Variants in GBP1 observed in about 807,000 individuals in gnomAD.
GBP1 encodes guanylate-binding protein 1.
GBP1 carries 64 observed loss-of-function variants against 69.5 expected under a neutral mutation model. The observed-to-expected ratio is 0.92, with a 90% CI of 0.75 to 1.13. GBP1 has a LOEUF of 1.13. GBP1 is among the 50% of genes most tolerant of loss of function. The pLI, the probability that GBP1 is intolerant of heterozygous loss-of-function variation, is 0.00. For missense variants in GBP1, 630 were observed against 704.1 expected, an observed-to-expected ratio of 0.89 and a Z score of 1.19; for synonymous variants, 250 against 261.2, an observed-to-expected ratio of 0.96 and a Z score of 0.41.
In GBP1 at chr1:89,056,075, C is replaced by T. The variant is rs574206530; in HGVS notation, c.1309G>A (p.Val437Ile). 2.7e-5 allele frequency: 44 copies of T among 1,613,836 alleles called. No homozygotes were observed. Among genetic ancestry groups the T allele is most frequent in the Middle Eastern group, 1.6e-4 (1 of 6,078 alleles). The change falls in exon 8 of 11, where the codon GTT (valine) becomes ATT (isoleucine). Residue 437 changes from valine to isoleucine, a missense_variant. Transcript: ENST00000370473. The stretch of plus-strand genomic sequence containing the variant: ...TTCTTCAGGTCTTGTAGCTTCTGAA[C>T]AAAGAGACGATAGCCCCCTGGTTTC... ...YSKPGGYRLF[V>I]QKLQDLKKKY...
At chr1:89,056,747 T>G (rs1416772858) in intron 7 of GBP1, 107 bp downstream of exon 7, 32 of 1,275,234 alleles carry the variant, frequency 2.5e-5, no homozygotes, top group Non-Finnish European at 3.2e-5. Context: ...TTCACCATTA[T>G]GGAAGCTAGG....
rs2390679 is a variant in GBP1, at chr1:89,056,337, A to G, written c.1156-109T>C. 112 of 1,565,642 alleles carry G rather than the reference A, an allele frequency of 7.2e-5. No homozygotes were observed. The South Asian group carries it at 1.2e-3, about 17-fold the overall frequency. On this transcript the variant is annotated intron_variant, in intron 7 of 10. Coordinates refer to ENST00000370473, the MANE Select transcript of GBP1 (RefSeq NM_002053.3). ...AATAGAAGTCAATGATGCTGGAGAA[A>G]CTGACAGCCTCCTCACCAGGACCAC...
In GBP1 at chr1:89,056,229, C is replaced by T; in HGVS notation, c.1156-1G>A. ...CATCCCGCTTTTTTTCTAGCTGGGC[C>T]TTTAATGTAAAAATAGGAAGTAAAA... On this transcript the variant is annotated splice_acceptor_variant, in intron 7 of 10. Coordinates refer to ENST00000370473, the MANE Select transcript of GBP1 (RefSeq NM_002053.3). LOFTEE classifies it high-confidence loss of function. 6.2e-7 allele frequency: 1 copy of T among 1,613,890 alleles called. No individual in the cohort carries two copies. Among genetic ancestry groups the T allele is most frequent in the Non-Finnish European group, 8.5e-7 (1 of 1,179,840 alleles).
rs1310864391 is a variant in GBP1 at position 89,063,050 on chromosome 1, T to C, written c.185A>G (p.Lys62Arg). The change falls in exon 2 of 11, where the codon AAA becomes AGA. Residue 62 changes from lysine (K) to arginine (R), a missense_variant. By Grantham distance (26) the Lys-to-Arg change is conservative. Around this residue, in one of 5 missense-constraint regions of GBP1, gnomAD observed 131 missense variants for 138.5 expected, o/e 0.95. Transcript: ENST00000370473. ...GCTTTGCTCATGCCACTCACCCTTT[T>C]TCTTTCCAGCCAGCTTGTTCATCAG... is the stretch of plus-strand genomic sequence containing the variant. ...SYLMNKLAGK[K>R]KGFSLGSTVQ... The C allele has an allele frequency of 1.9e-6, 3 of 1,614,048 alleles. No homozygotes were observed. The highest frequency in any genetic ancestry group is 1.7e-5 in the Admixed American group (1 of 60,016).
rs1396272425 is a variant in GBP1 at position 89,063,230 on chromosome 1, G to A, written c.5C>T (p.Ala2Val). 2 of 1,613,802 alleles carry A rather than the reference G, an allele frequency of 1.2e-6. No homozygotes were observed. Among genetic ancestry groups the A allele is most frequent in the Non-Finnish European group, 1.7e-6 (2 of 1,179,846 alleles). M[A>V]SEIHMTGPMC... is the part of the protein sequence containing the mutation. ...TGGGCCTGTCATGTGGATCTCTGAT[G>A]CCATGTCCAGGCTGTTCCCTTGTCT... The change falls in exon 2 of 11, where the codon GCA becomes GTA. Residue 2 changes from alanine (A) to valine (V), a missense_variant. Ala to Val is a moderately conservative substitution (Grantham distance 64). This residue lies in a region of GBP1 where 131 missense variants were observed against 138.5 expected (regional missense o/e 0.95). Coordinates refer to ENST00000370473, the MANE Select transcript of GBP1 (RefSeq NM_002053.3).
At chr1:89,055,734 G>A in intron 8 of GBP1, 1 of 504,248 alleles carries the variant, frequency 2.0e-6, no homozygotes, top group Non-Finnish European at 3.6e-6. Context: ...TTGGGTTCCT[G>A]TCTCTTGCAA....
intron 5 of GBP1, 187 bp from the exon 6 acceptor site, chr1:89,058,421 A>G (rs1478752487): frequency 5.2e-6 from 3 of 580,864 alleles, no homozygotes; most frequent in Non-Finnish European, 8.7e-6. Context: ...TTCCAAAAAA[A>G]CCTTATTTAC....
chr1:89,060,302 C>T lies in GBP1; in HGVS notation c.213G>A (p.Val71=), dbSNP rs751731582. 16 of 1,598,562 alleles carry T rather than the reference C, an allele frequency of 1.0e-5. No individual in the cohort carries two copies. Among genetic ancestry groups the T allele is most frequent in the East Asian group, 2.3e-5 (1 of 43,682 alleles). ...KKKGFSLGST[V]QSHTKGIWMW... is the part of the protein sequence containing the mutation. ...TCCAGATTCCTTTAGTGTGAGACTGCACCGTGGAGCCCAGAGAGAAGCCTG... is the reference window on the plus strand; with the variant it reads ...TCCAGATTCCTTTAGTGTGAGACTGTACCGTGGAGCCCAGAGAGAAGCCTG... Residue 71 remains valine (V), a synonymous_variant, in exon 3 of 11, where the codon GTG becomes GTA. Transcript: ENST00000370473.
chr1:89,060,371 G>A, intron 2 of GBP1, 47 bp from the exon 3 acceptor site: 2 of 1,478,034 alleles, frequency 1.4e-6, no homozygotes, highest in Non-Finnish European at 1.8e-6. Flanking sequence ...GTAACAGGCA[G>A]TTCTGGCAAT....
chr1:89,055,274 G>C (rs1369214344), intron 8 of GBP1, 59 bp from the exon 9 acceptor site: 61 of 1,603,666 alleles, frequency 3.8e-5, no homozygotes, highest in Non-Finnish European at 4.6e-5. Context: ...AGGTGTTCCT[G>C]TTTGTCTTCC....
Position 89,059,427 on chromosome 1 carries a change from C to A in GBP1, c.319-1G>T, listed in dbSNP as rs1680128755. 6.2e-7 allele frequency: 1 copy of A among 1,613,924 alleles called. No individual in the cohort carries two copies. On this transcript the variant is annotated splice_acceptor_variant, in intron 3 of 10. Coordinates refer to ENST00000370473, the MANE Select transcript of GBP1 (RefSeq NM_002053.3). LOFTEE classifies it high-confidence loss of function. ...TCCAGGAGTCATTCTGGTTGTCACC[C>A]TGGAAGTCAAGACACACTGGAGTCA...
chr1:89,060,132 T>G, intron 3 of GBP1, 65 bp downstream of exon 3: 1 of 1,472,462 alleles, frequency 6.8e-7, no homozygotes, highest in South Asian at 1.4e-5. Context: ...TAATAAACAA[T>G]TAACCGCTGC....
chr1:89,055,855 A>G, intron 8 of GBP1, 161 bp downstream of exon 8: 1 of 829,054 alleles, frequency 1.2e-6, no homozygotes, highest in Non-Finnish European at 2.0e-6. Context: ...AGCACCTAGG[A>G]CATATCTGGT....
chr1:89,060,364 A>G, intron 2 of GBP1, 40 bp from the exon 3 acceptor site: 1 of 1,502,642 alleles, frequency 6.7e-7, no homozygotes, highest in African/African-American at 1.4e-5. Flanking sequence ...GGATTTAGTA[A>G]CAGGCAGTTC....
Position 89,058,955 on chromosome 1 carries a change from T to C in GBP1, c.517A>G (p.Ser173Gly), listed in dbSNP as rs1214406984. 1 of 1,614,192 alleles carries C rather than the reference T, an allele frequency of 6.2e-7. No individual in the cohort carries two copies. The highest frequency in any genetic ancestry group is 8.5e-7 in the Non-Finnish European group (1 of 1,180,020). Residue 173 changes from serine to glycine, a missense_variant, in exon 5 of 11, where the codon AGC becomes GGC. Ser to Gly is a moderately conservative substitution (Grantham distance 56). Around this residue, in one of 5 missense-constraint regions of GBP1, gnomAD observed 367 missense variants for 369.5 expected, o/e 0.99. Transcript: ENST00000370473. ...GTCCACACAAAGTCTGGGAAGAAGC[T>C]CACAAAGTCAGCTGAATCCTCAACC... Reference protein sequence around the residue: ...NEVEDSADFVSFFPDFVWTLR... With the variant: ...NEVEDSADFVGFFPDFVWTLR...
intron 2 of GBP1, among the ~76,000 whole-genome samples, chr1:89,061,308 T>C (rs987277097): frequency 6.6e-6 from 1 of 152,148 alleles, no homozygotes; most frequent in Non-Finnish European, 1.5e-5. Flanking sequence ...GGTACTGGTA[T>C]AAAGACTGAC....
chr1:89,058,299 G>T, intron 5 of GBP1, 65 bp from the exon 6 acceptor site: 1 of 1,376,898 alleles, frequency 7.3e-7, no homozygotes, highest in Non-Finnish European at 9.9e-7. Flanking sequence ...GGGCCAAATA[G>T]TAAATATTTT....
chr1:89,059,371 G>A lies in GBP1; in HGVS notation c.374C>T (p.Thr125Ile), dbSNP rs374870319. ...GGTTCCTATGCTATTGTACACGAAG[G>A]TGCTGCTCAGGAGGACGGCCAGGGC... ...IFALAVLLSSTFVYNSIGTIN... is the reference protein window; with the variant it reads ...IFALAVLLSSIFVYNSIGTIN... Residue 125 changes from threonine to isoleucine, a missense_variant, in exon 4 of 11, where the codon ACC becomes ATC. Physicochemically the swap from Thr to Ile is moderately conservative, Grantham distance 89 (BLOSUM62 -1). Coordinates refer to ENST00000370473, the MANE Select transcript of GBP1 (RefSeq NM_002053.3). 3 of 1,613,938 alleles carry A rather than the reference G, an allele frequency of 1.9e-6. No individual in the cohort carries two copies. Among genetic ancestry groups the A allele is most frequent in the African/African-American group, 1.3e-5 (1 of 74,874 alleles).
chr1:89,056,329 C>G, intron 7 of GBP1, 101 bp from the exon 8 acceptor site: 1 of 1,579,674 alleles, frequency 6.3e-7, no homozygotes. Context: ...GTCAATGATG[C>G]TGGAGAAACT....
Sources: allele counts gnomAD v4.1 joint callset (sites outside exome capture counted in the v4.1 genomes callset), GRCh38; gene constraint gnomAD v4.1.1; regional missense constraint gnomAD v4.1.1; transcripts MANE v1.5; gene names NCBI Gene and HGNC (gene_info 2026-07-23, HGNC 2026-07-21).